Variants in NPIPB8 observed in about 807,000 individuals in gnomAD.
NPIPB8 encodes the protein nuclear pore complex interacting protein family member B8, also known as nuclear pore complex-interacting protein family member B8.
Under a neutral mutation model 5.3 loss-of-function variants are expected in NPIPB8, and 3 were observed. The observed-to-expected ratio is 0.57, with a 90% CI of 0.26 to 1.47. The LOEUF is 1.47. Ranked by LOEUF, NPIPB8 falls within the 40% of genes most tolerant of loss-of-function variation. The pLI, the probability that NPIPB8 is intolerant of heterozygous loss-of-function variation, is 0.13. For synonymous variants in NPIPB8, 18 were observed against 23.0 expected, an observed-to-expected ratio of 0.78 and a Z score of 0.62; for missense variants, 50 against 50.2, an observed-to-expected ratio of 1.00 and a Z score of 0.01.
chr16:28,651,674 G>A lies in NPIPB8; in HGVS notation c.304-283G>A, dbSNP rs1307230100. On this transcript the variant is annotated intron_variant, in intron 3 of 7. Coordinates refer to ENST00000683297, the MANE Select transcript of NPIPB8 (RefSeq NM_001310136.2). ...AGACAGAGTCTCATTCTGTCGCTCAGGCTGGAGTACAGTGGTGTGATCTCG... is the reference window on the plus strand; with the variant it reads ...AGACAGAGTCTCATTCTGTCGCTCAAGCTGGAGTACAGTGGTGTGATCTCG... Among the ~76,000 whole-genome samples, 2 of 95,012 alleles carry A rather than the reference G, an allele frequency of 2.1e-5. 1 individual carries two copies. 62.3% of individuals were successfully genotyped at this position (95,012 alleles called of 152,430 possible). A position where few individuals can be genotyped will look rare whatever the true frequency, so the allele number is the denominator to read the frequency against.
chr16:28,639,705 G>A (rs1420691003), intron 2 of NPIPB8, among the ~76,000 whole-genome samples: 22 of 147,816 alleles, frequency 1.5e-4, no homozygotes, highest in South Asian at 8.5e-4. Context: ...TGCCCACCGT[G>A]GCCTCCCAAA....
chr16:28,644,589 C>T (rs1380358172), intron 2 of NPIPB8: 9 of 1,525,588 alleles, frequency 5.9e-6, no homozygotes, highest in Admixed American at 3.8e-5. Flanking sequence ...AGGACCAGGA[C>T]ATGCGGCTGC....
At chr16:28,640,025 G>A (rs1184323402) in intron 2 of NPIPB8, among the ~76,000 whole-genome samples, 1 of 151,224 alleles carries the variant, frequency 6.6e-6, no homozygotes, top group African/African-American at 2.5e-5. Context: ...AATTCTCTCT[G>A]CAACCTGAGA....
intron 2 of NPIPB8, among the ~76,000 whole-genome samples, chr16:28,642,402 C>A (rs866309071): frequency 2.0e-5 from 3 of 152,212 alleles, no homozygotes; most frequent in Middle Eastern, 3.4e-3. Flanking sequence ...CCATGCCCAG[C>A]CAAATCTAGG....
At chr16:28,638,701 A>AT (rs535897116) in intron 2 of NPIPB8, among the ~76,000 whole-genome samples, 9 of 150,674 alleles carry the variant, frequency 6.0e-5, no homozygotes, top group Non-Finnish European at 1.3e-4. Context: ...AAAAGGAATC[A>AT]TTGCTGGCAT....
intron 2 of NPIPB8, among the ~76,000 whole-genome samples, chr16:28,642,583 C>G (rs1466238688): frequency 2.0e-5 from 3 of 151,254 alleles, no homozygotes; most frequent in Admixed American, 2.0e-4. Context: ...CTCCCGGGTT[C>G]AAACTATTCT....
chr16:28,642,421 A>T lies in NPIPB8; in HGVS notation c.120+3941A>T, dbSNP rs1230979824. Among the ~76,000 whole-genome samples the T allele has an allele frequency of 6.0e-5, 9 of 150,552 alleles. No homozygotes were observed. In the East Asian group the frequency reaches 1.8e-3, roughly 31 times the overall value. Reference sequence around the variant, plus strand: ...GCCCAGCCAAATCTAGGGCCGGAACATGGCTGCAGCATATAAAAAGAATTG... The same window carrying T: ...GCCCAGCCAAATCTAGGGCCGGAACTTGGCTGCAGCATATAAAAAGAATTG... On this transcript the variant is annotated intron_variant, in intron 2 of 7. Transcript: ENST00000683297.
intron 2 of NPIPB8, among the ~76,000 whole-genome samples, chr16:28,644,374 C>A (rs2047957353): frequency 9.1e-6 from 1 of 109,430 alleles, no homozygotes; most frequent in African/African-American, 3.9e-5. Flanking sequence ...TCCACCTCCT[C>A]CAGGTGCCCA....
At chr16:28,643,005 G>C (rs191131750) in intron 2 of NPIPB8, among the ~76,000 whole-genome samples, 1 of 152,192 alleles carries the variant, frequency 6.6e-6, no homozygotes, top group Non-Finnish European at 1.5e-5. Flanking sequence ...GGGAAGTTTA[G>C]CTGAGGACAG....
At chr16:28,653,235 G>T (rs1200903343) in intron 5 of NPIPB8, among the ~76,000 whole-genome samples, 2 of 91,420 alleles carry the variant, frequency 2.2e-5, no homozygotes, top group Non-Finnish European at 4.3e-5. Flanking sequence ...ACCATGCCCG[G>T]ATAATTTTTG....
At chr16:28,644,974 C>CT (rs1309736729) in intron 2 of NPIPB8, among the ~76,000 whole-genome samples, 22 of 103,508 alleles carry the variant, frequency 2.1e-4, no homozygotes, top group Admixed American at 2.1e-3. Context: ...ACTCTTGTCT[C>CT]TAACAAACAA....
rs565105790 is a variant in NPIPB8, at chr16:28,638,145, A to C, written c.-44A>C. On this transcript the variant is annotated 5_prime_UTR_variant, in exon 1 of 8. Coordinates refer to ENST00000683297, the MANE Select transcript of NPIPB8 (RefSeq NM_001310136.2). ...TTGTTCCTGTTTCACACAGAAGAAA[A>C]CTGAGGTTAAAAGGGGTAAAGTAAT... The C allele has an allele frequency of 1.6e-6, 1 of 644,248 alleles. No homozygotes were observed. Among genetic ancestry groups the C allele is most frequent in the Non-Finnish European group, 2.6e-6 (1 of 383,628 alleles). The allele number at this position is 644,248 out of a possible 1,614,324, so 39.9% of individuals were successfully genotyped here.
rs551641185 is a variant in NPIPB8, at chr16:28,638,309, T to A, written c.-38-14T>A. 1.1e-4 allele frequency: 169 copies of A among 1,555,334 alleles called. 1 individual carries two copies. The African/African-American group carries it at 2.1e-3, about 20-fold the overall frequency. On this transcript the variant is annotated splice_polypyrimidine_tract_variant and intron_variant, in intron 1 of 7. Transcript: ENST00000683297. ...CACTCATTCAACAAACTTTTTTTCT[T>A]AATTGTCTAATAGGTTGGCACTCAT...
At chr16:28,652,749 C>G (rs1262312092) in intron 5 of NPIPB8, among the ~76,000 whole-genome samples, 2 of 134,852 alleles carry the variant, frequency 1.5e-5, no homozygotes, top group Admixed American at 1.5e-4. Context: ...TTACAGGTGC[C>G]CACCACCATG....
intron 2 of NPIPB8, among the ~76,000 whole-genome samples, chr16:28,640,813 G>C (rs1466335245): frequency 6.6e-6 from 1 of 152,132 alleles, no homozygotes; most frequent in Non-Finnish European, 1.5e-5. Context: ...AGAATCAATT[G>C]AGTGACATTG....
intron 3 of NPIPB8, among the ~76,000 whole-genome samples, chr16:28,651,604 TTGTGTGTGTG>T (rs533825986): frequency 2.6e-5 from 1 of 39,128 alleles, no homozygotes; most frequent in Non-Finnish European, 4.8e-5. Flanking sequence ...CATGTCATTC[TTGTGTGTGTG>T]TGTGTGTGTG....
chr16:28,638,447 G>C lies in NPIPB8; in HGVS notation c.87G>C (p.Lys29Asn). ...CCAAGGAGCTGCAGCAGCATGTAAA[G>C]TCAGTGACATGCCCATGCGAGTACC... is the stretch of plus-strand genomic sequence containing the variant. Reference protein sequence around the residue: ...QLTKELQQHVKSVTCPCEYLR... With the variant: ...QLTKELQQHVNSVTCPCEYLR... Residue 29 changes from lysine (K) to asparagine (N), a missense_variant, in exon 2 of 8, where the codon AAG (lysine) becomes AAC (asparagine). Lys to Asn is a moderately conservative substitution (Grantham distance 94, BLOSUM62 0). Coordinates refer to ENST00000683297, the MANE Select transcript of NPIPB8 (RefSeq NM_001310136.2). 1 of 1,573,198 alleles carries C rather than the reference G, an allele frequency of 6.4e-7. No homozygotes were observed. The highest frequency in any genetic ancestry group is 1.1e-5 in the South Asian group (1 of 88,562).
chr16:28,645,262 C>T (rs1410948266), intron 2 of NPIPB8, among the ~76,000 whole-genome samples: 3 of 108,018 alleles, frequency 2.8e-5, no homozygotes, highest in Non-Finnish European at 6.1e-5. Context: ...ATCTCTTGAC[C>T]TCGTGATCCG....
intron 2 of NPIPB8, among the ~76,000 whole-genome samples, chr16:28,640,273 T>C (rs1335966179): frequency 6.8e-6 from 1 of 147,238 alleles, no homozygotes; most frequent in African/African-American, 2.7e-5. Context: ...GATGGAAATG[T>C]ACAAAATGTA....
Sources: gnomAD v4.1 joint callset for allele counts (sites outside exome capture counted in the v4.1 genomes callset) on GRCh38, gnomAD v4.1.1 for gene constraint, MANE v1.5 for transcripts, NCBI Gene and HGNC (gene_info 2026-07-23, HGNC 2026-07-21) for gene names.